The following LPP variants were observed in gnomAD, a reference collection of about 807,000 sequenced individuals.
LPP encodes LIM domain containing preferred translocation partner in lipoma, also known as lipoma-preferred partner.
LPP carries 38 observed loss-of-function variants against 60.4 expected under a neutral mutation model. The observed-to-expected ratio is 0.63, with a 90% confidence interval of 0.49 to 0.83. LPP has a LOEUF of 0.83. Ranked by LOEUF, LPP falls within the 40% of genes least tolerant of loss-of-function variation. The probability of loss-of-function intolerance (pLI) is 0.00; values close to 1 mark genes in which losing one functional copy is unlikely to be tolerated. For synonymous variants in LPP, 328 were observed against 290.8 expected, an observed-to-expected ratio of 1.13 and a Z score of -1.30; for missense variants, 902 against 783.6, an observed-to-expected ratio of 1.15 and a Z score of -1.80.
rs1301598416 is a variant in LPP, at chr3:188,886,618, C to G, written c.*12139C>G. The G allele has an allele frequency of 4.7e-6, 1 of 210,916 alleles. No homozygotes were observed. The highest frequency in any genetic ancestry group is 2.3e-5 in the African/African-American group (1 of 43,444). 13.1% of individuals were successfully genotyped at this position (210,916 alleles called of 1,614,324 possible). A position where few individuals can be genotyped will look rare whatever the true frequency, so the allele number is the denominator to read the frequency against. On this transcript the variant is annotated 3_prime_UTR_variant, in exon 12 of 12. Coordinates refer to ENST00000617246, the MANE Select transcript of LPP (RefSeq NM_001375462.1). ...TACCTTTATAAATCATCTAATTTAT[C>G]TTCACATAATATAAAGAAAAAACTA...
At chr3:188,552,953 T>G (rs1828550115) in intron 6 of LPP, among the ~76,000 whole-genome samples, 1 of 152,156 alleles carries the variant, frequency 6.6e-6, no homozygotes, top group African/African-American at 2.4e-5. Context: ...AGTAGATAAG[T>G]TCACAACGTT....
Position 188,556,350 on chromosome 3 carries a change from T to C in LPP, c.429+31563T>C, listed in dbSNP as rs555365783. ...TGCTTCAGTTTTTTTTGTTTGTTTGTTTTACTTTTGAAAGGAAAGAAATGA... is the reference window on the plus strand; with the variant it reads ...TGCTTCAGTTTTTTTTGTTTGTTTGCTTTACTTTTGAAAGGAAAGAAATGA... On this transcript the variant is annotated intron_variant, in intron 6 of 11. Coordinates refer to ENST00000617246, the MANE Select transcript of LPP (RefSeq NM_001375462.1). Among the ~76,000 whole-genome samples the C allele has an allele frequency of 9.2e-5, 14 of 152,174 alleles. No homozygotes were observed. In the South Asian group the frequency reaches 2.1e-3, roughly 23 times the overall value.
At chr3:188,454,542 A>G (rs891554005) in intron 4 of LPP, among the ~76,000 whole-genome samples, 31 of 152,194 alleles carry the variant, frequency 2.0e-4, no homozygotes, top group Non-Finnish European at 4.0e-4. Context: ...TATGCATTCT[A>G]TGCAAGGATG....
chr3:188,502,442 G>A (rs1372115388), intron 5 of LPP, among the ~76,000 whole-genome samples: 1 of 151,898 alleles, frequency 6.6e-6, no homozygotes, highest in Non-Finnish European at 1.5e-5. Flanking sequence ...CTTTTTGTGG[G>A]TTACTATTTG....
chr3:188,871,562 AG>A (rs1768091896), intron 10 of LPP, among the ~76,000 whole-genome samples: 1 of 152,228 alleles, frequency 6.6e-6, no homozygotes, highest in South Asian at 2.1e-4. Flanking sequence ...GCAAAGAGTT[AG>A]ATTATTATCA....
intron 7 of LPP, among the ~76,000 whole-genome samples, chr3:188,675,540 T>C (rs1228939053): frequency 6.6e-6 from 1 of 152,102 alleles, no homozygotes; most frequent in East Asian, 1.9e-4. Flanking sequence ...CATCAAGGGG[T>C]GTTGGTAGTA....
chr3:188,411,298 T>G (rs1784830372), intron 4 of LPP, among the ~76,000 whole-genome samples: 4 of 152,242 alleles, frequency 2.6e-5, no homozygotes, highest in Admixed American at 6.5e-5. Flanking sequence ...AAGGGGACAC[T>G]TTTACACTGT....
chr3:188,825,201 T>A (rs1202530010), intron 9 of LPP, among the ~76,000 whole-genome samples: 1 of 152,082 alleles, frequency 6.6e-6, no homozygotes, highest in Non-Finnish European at 1.5e-5. Context: ...AGTGACCATC[T>A]GTGCTGCCTT....
intron 4 of LPP, among the ~76,000 whole-genome samples, chr3:188,466,269 G>A (rs1423176126): frequency 6.6e-6 from 1 of 152,108 alleles, no homozygotes; most frequent in Non-Finnish European, 1.5e-5. Context: ...CTTGCCTGGA[G>A]AATTATTTTT....
intron 7 of LPP, among the ~76,000 whole-genome samples, chr3:188,621,924 T>C (rs1560656979): frequency 6.6e-6 from 1 of 152,162 alleles, no homozygotes; most frequent in African/African-American, 2.4e-5. Flanking sequence ...CCACCCGAAG[T>C]GCTGGGATTA....
chr3:188,575,372 T>C (rs911290523), intron 6 of LPP, among the ~76,000 whole-genome samples: 1 of 152,214 alleles, frequency 6.6e-6, no homozygotes, highest in African/African-American at 2.4e-5. Flanking sequence ...ACGTTTAGTC[T>C]GGATTTAAAA....
intron 7 of LPP, among the ~76,000 whole-genome samples, chr3:188,629,720 A>G (rs1488849095): frequency 1.3e-5 from 2 of 150,106 alleles, no homozygotes; most frequent in African/African-American, 4.9e-5. Flanking sequence ...ACAGAATTAG[A>G]AAAAAAAAAT....
At chr3:188,567,608 C>T (rs1446311585) in intron 6 of LPP, among the ~76,000 whole-genome samples, 2 of 151,842 alleles carry the variant, frequency 1.3e-5, no homozygotes, top group Non-Finnish European at 2.9e-5. Flanking sequence ...ATCATCATTG[C>T]CTGAATACCA....
At chr3:188,446,294 G>T (rs763580498) in intron 4 of LPP, among the ~76,000 whole-genome samples, 5 of 152,194 alleles carry the variant, frequency 3.3e-5, no homozygotes, top group Non-Finnish European at 5.9e-5. Context: ...AAAGTAGCAG[G>T]TGGTGTTTGA....
At chr3:188,821,795 G>A (rs542842659) in intron 9 of LPP, among the ~76,000 whole-genome samples, 2 of 152,100 alleles carry the variant, frequency 1.3e-5, no homozygotes, top group South Asian at 4.2e-4. Context: ...TTTAATGCTT[G>A]TATAACATTA....
At chr3:188,863,049 T>G (rs9815705) in intron 9 of LPP, among the ~76,000 whole-genome samples, 1 of 151,862 alleles carries the variant, frequency 6.6e-6, no homozygotes, top group East Asian at 1.9e-4. Flanking sequence ...TCAGTGGAGG[T>G]GCATAGTAAA....
intron 7 of LPP, among the ~76,000 whole-genome samples, chr3:188,631,782 A>T (rs1308050519): frequency 6.6e-6 from 1 of 152,192 alleles, no homozygotes; most frequent in African/African-American, 2.4e-5. Flanking sequence ...CCAGGAACTC[A>T]TTCCTATACA....
At chr3:188,275,651 A>AT (rs1662461300) in intron 2 of LPP, among the ~76,000 whole-genome samples, 1 of 151,710 alleles carries the variant, frequency 6.6e-6, no homozygotes, top group South Asian at 2.1e-4. Context: ...TCATTTAGCT[A>AT]TTATTTATTG....
intron 7 of LPP, among the ~76,000 whole-genome samples, chr3:188,653,841 G>A (rs1852580143): frequency 6.6e-6 from 1 of 152,148 alleles, no homozygotes; most frequent in Non-Finnish European, 1.5e-5. Context: ...ATCTGCTTAT[G>A]AGTCTTAGAT....
Sources: allele counts gnomAD v4.1 joint callset (sites outside exome capture counted in the v4.1 genomes callset), GRCh38; gene constraint gnomAD v4.1.1; transcripts MANE v1.5; gene names NCBI Gene and HGNC (gene_info 2026-07-23, HGNC 2026-07-21).